GOLGA6L9: variants seen among roughly 807,000 people sequenced by gnomAD.
GOLGA6L9 encodes golgin subfamily A member 6-like protein 9.
GOLGA6L9 carries 19 observed loss-of-function variants against 51.3 expected under a neutral mutation model. The ratio of observed to expected loss-of-function variants is 0.37; its 90% confidence interval spans 0.26 to 0.54. GOLGA6L9 has a LOEUF of 0.54. Ranked by LOEUF, GOLGA6L9 falls within the 20% of genes least tolerant of loss-of-function variation. The pLI, the probability that GOLGA6L9 is intolerant of heterozygous loss-of-function variation, is 0.83. For synonymous variants in GOLGA6L9, 97 were observed against 184.2 expected (o/e 0.53, Z 3.83); for missense variants, 247 against 464.1 (o/e 0.53, Z 4.30).
Position 82,432,639 on chromosome 15 carries a change from G to A in GOLGA6L9, c.264+8G>A. 1 of 1,603,482 alleles carries A rather than the reference G, an allele frequency of 6.2e-7. No homozygotes were observed. The highest frequency in any genetic ancestry group is 8.5e-7 in the Non-Finnish European group (1 of 1,178,774). The stretch of plus-strand genomic sequence containing the variant: ...ACCCTGCAGGATCTGGAGGTAAGAG[G>A]CCCTGGGCCGAGGTGCAGTGACCCT... On this transcript the variant is annotated splice_region_variant and intron_variant, in intron 3 of 8. Transcript: ENST00000618348.
the GOLGA6L9 span, chr15:82,420,110 A>T: frequency 9.7e-6 from 3 of 308,550 alleles, no homozygotes; most frequent in African/African-American, 6.5e-5. Context: ...AAACCATAAG[A>T]TATATTTTAT....
intron 4 of GOLGA6L9, among the ~76,000 whole-genome samples, 197 bp from the exon 5 acceptor site, chr15:82,433,365 G>T (rs1194599364): frequency 6.6e-6 from 1 of 151,984 alleles, no homozygotes; most frequent in East Asian, 1.9e-4. Flanking sequence ...AAGGGCTCCT[G>T]TCTGTCCTTT....
Position 82,429,916 on chromosome 15 carries a change from C to T in GOLGA6L9, c.-164C>T. 1.1e-6 allele frequency: 1 copy of T among 894,932 alleles called. No homozygotes were observed. The highest frequency in any genetic ancestry group is 1.9e-6 in the Non-Finnish European group (1 of 533,768). The allele number at this position is 894,932 out of a possible 1,614,324, so 55.4% of individuals were successfully genotyped here. On this transcript the variant is annotated 5_prime_UTR_variant, in exon 1 of 9. Transcript: ENST00000618348. ...GGACATGCTGCGCCTGGCCACGCCT[C>T]CTTTCCCTTTCATCTTTCTCACTGA... is the stretch of plus-strand genomic sequence containing the variant.
chr15:82,417,038 C>A, the GOLGA6L9 span, among the ~76,000 whole-genome samples: 1 of 152,168 alleles, frequency 6.6e-6, no homozygotes, highest in South Asian at 2.1e-4. Context: ...CTGGCGACCT[C>A]TGATCTAATT....
At chr15:82,416,300 C>T in the GOLGA6L9 span, among the ~76,000 whole-genome samples, 1 of 152,070 alleles carries the variant, frequency 6.6e-6, no homozygotes, top group Non-Finnish European at 1.5e-5. Flanking sequence ...TGTACTCAAA[C>T]AGTTCTGTGG....
rs1026771798 is a variant in GOLGA6L9 at position 82,438,214 on chromosome 15, A to C, written c.*1803A>C. The C allele has an allele frequency of 2.2e-4, 33 of 148,170 alleles. No individual in the cohort carries two copies. Among genetic ancestry groups the C allele is most frequent in the Middle Eastern group, 3.4e-3 (1 of 292 alleles). The allele number at this position is 148,170 out of a possible 1,614,324, so 9.2% of individuals were successfully genotyped here. Reference sequence around the variant, plus strand: ...CTTCACTTTTACCCTGACACGTATAAATGACTAGGAATGACCTTCAGATAG... The same window carrying C: ...CTTCACTTTTACCCTGACACGTATACATGACTAGGAATGACCTTCAGATAG... On this transcript the variant is annotated 3_prime_UTR_variant, in exon 9 of 9. Transcript: ENST00000618348.
upstream of GOLGA6L9, among the ~76,000 whole-genome samples, chr15:82,427,431 C>G: frequency 6.7e-6 from 1 of 149,862 alleles, no homozygotes; most frequent in East Asian, 1.9e-4. Flanking sequence ...TTTTTTCTTT[C>G]TTTCTTTCAC....
In GOLGA6L9 at chr15:82,437,831, A is replaced by T. The variant is rs1192183905; in HGVS notation, c.*1420A>T. 1 of 151,290 alleles carries T rather than the reference A, an allele frequency of 6.6e-6. No homozygotes were observed. Among genetic ancestry groups the T allele is most frequent in the African/African-American group, 2.4e-5 (1 of 40,954 alleles). The allele number at this position is 151,290 out of a possible 1,614,324, so 9.4% of individuals were successfully genotyped here. On this transcript the variant is annotated 3_prime_UTR_variant, in exon 9 of 9. Transcript: ENST00000618348. ...CACAATCTACTGTTCGTGAATGTCA[A>T]AGTGTCATGAGGAAAGTGTCTATAC... is the stretch of plus-strand genomic sequence containing the variant.
upstream of GOLGA6L9, among the ~76,000 whole-genome samples, chr15:82,429,317 C>T (rs1321399439): frequency 6.6e-6 from 1 of 152,188 alleles, no homozygotes; most frequent in East Asian, 1.9e-4. Context: ...TCAGGTCATC[C>T]ACCCACCTCG....
At chr15:82,433,059 C>G in intron 4 of GOLGA6L9, among the ~76,000 whole-genome samples, 162 bp downstream of exon 4, 1 of 151,576 alleles carries the variant, frequency 6.6e-6, no homozygotes, top group East Asian at 1.9e-4. Context: ...ACAGAACATG[C>G]AGCATGGCTC....
upstream of GOLGA6L9, among the ~76,000 whole-genome samples, chr15:82,427,326 CT>C (rs2031228531): frequency 8.4e-6 from 1 of 118,872 alleles, no homozygotes; most frequent in Admixed American, 9.2e-5. Flanking sequence ...TTTCCTCTTT[CT>C]TTTTCTTTCT....
At chr15:82,421,803 CAAAAAAA>C in the GOLGA6L9 span, among the ~76,000 whole-genome samples, 2 of 2,954 alleles carry the variant, frequency 6.8e-4, no homozygotes, top group Non-Finnish European at 9.8e-4. Context: ...CCAACACCAC[CAAAAAAA>C]AAAAAAAAAA....
At position 82,436,650 on chromosome 15, in the gene GOLGA6L9, A is replaced by G. The variant is rs1322069651; in HGVS notation, c.*239A>G. The G allele has an allele frequency of 1.7e-5, 6 of 348,132 alleles. No individual in the cohort carries two copies. Among genetic ancestry groups the G allele is most frequent in the African/African-American group, 1.1e-4 (5 of 46,236 alleles). 21.6% of individuals were successfully genotyped at this position (348,132 alleles called of 1,614,324 possible). ...TATTTTTGTTTCTAATTTATAATTTAAATTTATTTGTAAAAAGTTAAATGA... is the reference window on the plus strand; with the variant it reads ...TATTTTTGTTTCTAATTTATAATTTGAATTTATTTGTAAAAAGTTAAATGA... On this transcript the variant is annotated 3_prime_UTR_variant, in exon 9 of 9. Transcript: ENST00000618348.
chr15:82,436,542 G>C lies in GOLGA6L9; in HGVS notation c.*131G>C, dbSNP rs1242606154. On this transcript the variant is annotated 3_prime_UTR_variant, in exon 9 of 9. Transcript: ENST00000618348. ...TCTAATTTATAGTTTAAATTTATTT[G>C]TGTTTCTAATTTATAGTTTAAATTT... 3.2e-6 allele frequency: 4 copies of C among 1,246,536 alleles called. No homozygotes were observed. In the South Asian group the frequency reaches 6.1e-5, roughly 19 times the overall value. 77.2% of individuals were successfully genotyped at this position (1,246,536 alleles called of 1,614,324 possible).
chr15:82,417,086 A>G, the GOLGA6L9 span, among the ~76,000 whole-genome samples: 1 of 152,216 alleles, frequency 6.6e-6, no homozygotes, highest in African/African-American at 2.4e-5. Flanking sequence ...GACATTTCAT[A>G]TAAATAGAAT....
At chr15:82,425,274 CAAG>C (rs1268408725), upstream of GOLGA6L9, among the ~76,000 whole-genome samples, 2 of 141,842 alleles carry the variant, frequency 1.4e-5, no homozygotes, top group Admixed American at 7.1e-5. Flanking sequence ...AATTGATAGG[CAAG>C]GAGGGCTGTC....
At position 82,434,501 on chromosome 15, in the gene GOLGA6L9, C is replaced by G; in HGVS notation, c.901C>G (p.Arg301Gly). ...DERLWQQETL[R>G]ELERLRELER... ...GAGGCTGTGGCAGCAGGAGACTCTG[C>G]GGGAGCTGGAGAGGCTGCGGGAGCT... Residue 301 changes from arginine to glycine, a missense_variant, in exon 6 of 9, where the codon CGG (arginine) becomes GGG (glycine). By Grantham distance (125) the Arg-to-Gly change is moderately radical (BLOSUM62 -2). Coordinates refer to ENST00000618348, the MANE Select transcript of GOLGA6L9 (RefSeq NM_198181.4). The G allele has an allele frequency of 2.5e-6, 4 of 1,569,540 alleles. No homozygotes were observed. Among genetic ancestry groups the G allele is most frequent in the East Asian group, 4.5e-5 (2 of 44,064 alleles).
the GOLGA6L9 span, chr15:82,418,594 G>T: frequency 1.4e-3 from 214 of 152,298 alleles, no homozygotes; most frequent in African/African-American, 5.1e-3. Flanking sequence ...AAAACATCTT[G>T]ATCTAAATAA....
At chr15:82,433,195 A>G (rs2031488780) in intron 4 of GOLGA6L9, among the ~76,000 whole-genome samples, 1 of 150,734 alleles carries the variant, frequency 6.6e-6, no homozygotes, top group African/African-American at 2.4e-5. Flanking sequence ...AGAGGTCCAT[A>G]TTCCTGCCCT....
Sources: gnomAD v4.1 joint callset for allele counts (sites outside exome capture counted in the v4.1 genomes callset) on GRCh38, gnomAD v4.1.1 for gene constraint, MANE v1.5 for transcripts, NCBI Gene and HGNC (gene_info 2026-07-23, HGNC 2026-07-21) for gene names.